LPIN2: variants seen among roughly 807,000 people sequenced by gnomAD.
LPIN2 encodes the protein phosphatidate phosphatase LPIN2.
LPIN2 carries 55 observed loss-of-function variants against 111.4 expected under a neutral mutation model. The ratio of observed to expected loss-of-function variants is 0.49; its 90% CI spans 0.40 to 0.62. The LOEUF (loss-of-function observed/expected upper bound fraction) is 0.62. Ranked by LOEUF, LPIN2 falls within the 20% of genes least tolerant of loss-of-function variation. The pLI is 0.00. For synonymous variants in LPIN2, 425 were observed against 414.0 expected, an observed-to-expected ratio of 1.03 and a Z score of -0.32; for missense variants, 992 against 1,112.1, an observed-to-expected ratio of 0.89 and a Z score of 1.54.
chr18:2,940,487 T>G, intron 5 of LPIN2, 118 bp downstream of exon 5: 1 of 660,176 alleles, frequency 1.5e-6, no homozygotes, highest in Non-Finnish European at 2.7e-6. Flanking sequence ...CAAGTAAACA[T>G]TCAGTTCCTT....
intron 1 of LPIN2, among the ~76,000 whole-genome samples, chr18:2,986,058 T>C (rs1337869665): frequency 1.3e-5 from 2 of 152,204 alleles, no homozygotes; most frequent in Admixed American, 1.3e-4. Flanking sequence ...AAACAAATGT[T>C]TTCATTTAGA....
At chr18:2,930,756 T>C (rs2077201518) in intron 9 of LPIN2, among the ~76,000 whole-genome samples, 1 of 152,186 alleles carries the variant, frequency 6.6e-6, no homozygotes, top group Non-Finnish European at 1.5e-5. Context: ...CTGAGCAAGC[T>C]TTACTCTCGT....
At chr18:2,995,880 G>A (rs771165102) in intron 1 of LPIN2, among the ~76,000 whole-genome samples, 13 of 152,192 alleles carry the variant, frequency 8.5e-5, no homozygotes, top group Admixed American at 2.0e-4. Flanking sequence ...TGTATATGCT[G>A]TCCCTAAAGT....
At chr18:2,926,843 T>C in intron 12 of LPIN2, 38 bp from the exon 13 acceptor site, 1 of 1,554,926 alleles carries the variant, frequency 6.4e-7, no homozygotes, top group Non-Finnish European at 8.9e-7. Flanking sequence ...ATGCAATTTT[T>C]TCCCTACAGA....
chr18:2,963,190 T>G (rs1027558737), intron 1 of LPIN2, among the ~76,000 whole-genome samples: 1 of 152,180 alleles, frequency 6.6e-6, no homozygotes, highest in Non-Finnish European at 1.5e-5. Flanking sequence ...ACCCTGGGTA[T>G]GATGAGCAGC....
At chr18:2,994,673 T>C (rs2078314536) in intron 1 of LPIN2, among the ~76,000 whole-genome samples, 1 of 152,210 alleles carries the variant, frequency 6.6e-6, no homozygotes, top group Admixed American at 6.5e-5. Context: ...TTTGGTCAGA[T>C]AATTCTTTGC....
At chr18:2,959,182 G>T (rs1025745132) in intron 2 of LPIN2, among the ~76,000 whole-genome samples, 1 of 152,194 alleles carries the variant, frequency 6.6e-6, no homozygotes, top group African/African-American at 2.4e-5. Flanking sequence ...GGGTGACTCT[G>T]AACAGAGGCC....
At chr18:3,006,703 G>A (rs1449328640) in intron 1 of LPIN2, among the ~76,000 whole-genome samples, 1 of 152,192 alleles carries the variant, frequency 6.6e-6, no homozygotes, top group Non-Finnish European at 1.5e-5. Context: ...CAGGCGTGGT[G>A]GCGGGAGCCT....
At chr18:3,007,946 T>G (rs16973296) in intron 1 of LPIN2, among the ~76,000 whole-genome samples, 6,496 of 152,286 alleles carry the variant, frequency 0.043, 455 homozygotes, top group African/African-American at 0.15. Flanking sequence ...TGAACATACC[T>G]ATCTTGCCAG....
intron 1 of LPIN2, among the ~76,000 whole-genome samples, chr18:2,988,012 CAAAAAAAAAAA>C (rs761121515): frequency 2.2e-4 from 7 of 32,344 alleles, no homozygotes; most frequent in East Asian, 2.4e-3. Context: ...GAGACTGTCT[CAAAAAAAAAAA>C]AAAAAAAAAA....
chr18:2,982,855 A>G (rs1187009850), intron 1 of LPIN2: 1 of 514,056 alleles, frequency 1.9e-6, no homozygotes, highest in East Asian at 7.2e-5. Context: ...ACTGAGTACA[A>G]ACTGCTTGCA....
At chr18:3,000,818 T>C (rs1003163905) in intron 1 of LPIN2, among the ~76,000 whole-genome samples, 1 of 152,076 alleles carries the variant, frequency 6.6e-6, no homozygotes, top group African/African-American at 2.4e-5. Flanking sequence ...CCGTGTTCCC[T>C]CCTAAGAGAC....
chr18:2,947,816 C>A (rs543014830), intron 4 of LPIN2, among the ~76,000 whole-genome samples: 1 of 152,308 alleles, frequency 6.6e-6, no homozygotes, highest in East Asian at 1.9e-4. Context: ...CAATTGATTT[C>A]CTTTTCTTTT....
At chr18:2,942,505 T>C (rs1322326631) in intron 4 of LPIN2, among the ~76,000 whole-genome samples, 1 of 152,222 alleles carries the variant, frequency 6.6e-6, no homozygotes, top group Non-Finnish European at 1.5e-5. Context: ...TATTTTACTT[T>C]TGGGACATAT....
intron 4 of LPIN2, chr18:2,948,520 T>G (rs1439772955): frequency 6.6e-6 from 1 of 152,260 alleles, no homozygotes; most frequent in Non-Finnish European, 1.5e-5. Flanking sequence ...TTTCCCAAGC[T>G]GTAGGTTGTT....
intron 18 of LPIN2, 50 bp from the exon 19 acceptor site, chr18:2,920,931 G>C (rs2077044656): frequency 7.2e-6 from 9 of 1,252,946 alleles, no homozygotes; most frequent in Non-Finnish European, 1.1e-5. Flanking sequence ...GAATTCAGGA[G>C]ATACTTCTCA....
intron 1 of LPIN2, among the ~76,000 whole-genome samples, chr18:2,996,495 T>TTTTTTTTTTTTTTTTTTTTTTTTTTG (rs1383642994): frequency 9.6e-6 from 1 of 104,226 alleles, no homozygotes; most frequent in African/African-American, 3.8e-5. Flanking sequence ...TTTTTTTTTT[T>TTTTTTTTTTTTTTTTTTTTTTTTTTG]GAGACAGAGT....
rs17881253 is a variant in LPIN2, at chr18:2,960,971, TTATTAA to T, written c.-9-128_-9-123del. On this transcript the variant is annotated intron_variant, in intron 1 of 19. Coordinates refer to ENST00000677752, the MANE Select transcript of LPIN2 (RefSeq NM_001375808.2). ...TATGCCAGATTTCATATCATTAGCC[TTATTAA>T]TTTTCAACCTAACAGTCTCATGCTA... 460,088 of 817,548 alleles carry T rather than the reference TTATTAA, an allele frequency of 0.56. 132,250 individuals are homozygous for T. The highest frequency in any genetic ancestry group is 0.6 in the Non-Finnish European group (293,250 of 485,958). The allele number at this position is 817,548 out of a possible 1,614,324, so 50.6% of individuals were successfully genotyped here. A position where few individuals can be genotyped will look rare whatever the true frequency, so the allele number is the denominator to read the frequency against.
intron 3 of LPIN2, among the ~76,000 whole-genome samples, chr18:2,953,663 T>C (rs1475704275): frequency 6.6e-6 from 1 of 152,198 alleles, no homozygotes; most frequent in Non-Finnish European, 1.5e-5. Context: ...AAACTGTAAG[T>C]TCATCTTCAA....
Sources: allele counts gnomAD v4.1 joint callset (sites outside exome capture counted in the v4.1 genomes callset), GRCh38; gene constraint gnomAD v4.1.1; transcripts MANE v1.5; gene names NCBI Gene and HGNC (gene_info 2026-07-23, HGNC 2026-07-21).